The following IGSF23 variants were observed in gnomAD, a reference collection of about 807,000 sequenced individuals.
The protein encoded by IGSF23 is immunoglobulin superfamily, member 23.
In IGSF23, 14 loss-of-function variants were observed where a neutral mutation model predicts 17.8. The ratio of observed to expected loss-of-function variants is 0.79; its 90% CI spans 0.52 to 1.23. The LOEUF is 1.23. Ranked by LOEUF, IGSF23 falls within the 50% of genes most tolerant of loss-of-function variation. IGSF23 has a pLI of 0.00. For missense variants in IGSF23, 214 were observed against 241.7 expected (o/e 0.89, Z 0.76); for synonymous variants, 85 against 92.5 (o/e 0.92, Z 0.46).
intron 2 of IGSF23, among the ~76,000 whole-genome samples, chr19:44,626,447 C>G (rs965999437): frequency 6.6e-6 from 1 of 152,232 alleles, no homozygotes. Context: ...GTGACCAAGA[C>G]AGCTGCAGCC....
chr19:44,619,993 A>G (rs11882134), intron 1 of IGSF23, among the ~76,000 whole-genome samples: 109,745 of 152,092 alleles, frequency 0.72, 39,701 homozygotes, highest in East Asian at 0.8. Flanking sequence ...AGTGTCGGCC[A>G]GGCGCAGTGG....
intron 2 of IGSF23, among the ~76,000 whole-genome samples, chr19:44,624,772 A>G (rs903440766): frequency 6.6e-6 from 1 of 151,936 alleles, no homozygotes; most frequent in African/African-American, 2.4e-5. Context: ...ATCAAAATCT[A>G]AGGAGTGGGC....
chr19:44,625,063 T>C (rs1238388086), intron 2 of IGSF23, among the ~76,000 whole-genome samples: 1 of 151,734 alleles, frequency 6.6e-6, no homozygotes, highest in Admixed American at 6.6e-5. Flanking sequence ...GATGACTGTC[T>C]CAAAAAAAAA....
intron 3 of IGSF23, among the ~76,000 whole-genome samples, chr19:44,634,767 C>T (rs1379379397): frequency 6.7e-6 from 1 of 150,238 alleles, no homozygotes; most frequent in Non-Finnish European, 1.5e-5. Flanking sequence ...CGCCACTGTA[C>T]TCCAGCCTGG....
In IGSF23 at chr19:44,619,768, C is replaced by T. The variant is rs186774020; in HGVS notation, c.126-3939C>T. On this transcript the variant is annotated intron_variant, in intron 1 of 4. Transcript: ENST00000402988. The stretch of plus-strand genomic sequence containing the variant: ...TCCAAACTTCCTCTTCTTATAAGGG[C>T]ACCAGTCAGGTTGGATTAGGACCCA... 2.0e-5 allele frequency among the ~76,000 whole-genome samples: 3 copies of T among 152,278 alleles called. No individual in the cohort carries two copies. In the East Asian group the frequency reaches 5.8e-4, roughly 29 times the overall value.
chr19:44,623,724 T>A lies in IGSF23; in HGVS notation c.143T>A (p.Leu48Gln). The change falls in exon 2 of 5, where the codon CTG becomes CAG. Residue 48 changes from leucine (L) to glutamine (Q), a missense_variant. Physicochemically the swap from Leu to Gln is moderately radical, Grantham distance 113. Coordinates refer to ENST00000402988, the MANE Select transcript of IGSF23 (RefSeq NM_001205280.2). ...ACAGACAGCCTCCAACTAATGCCACTGAAGACATTCCCAGCTGCTATCCGG... is the reference window on the plus strand; with the variant it reads ...ACAGACAGCCTCCAACTAATGCCACAGAAGACATTCCCAGCTGCTATCCGG... ...PANLVLQLMP[L>Q]KTFPAAIRGV... 1 of 1,551,164 alleles carries A rather than the reference T, an allele frequency of 6.4e-7. No individual in the cohort carries two copies. The highest frequency in any genetic ancestry group is 8.7e-7 in the Non-Finnish European group (1 of 1,147,120).
At chr19:44,629,294 G>A (rs184995580) in intron 3 of IGSF23, among the ~76,000 whole-genome samples, 1 of 152,332 alleles carries the variant, frequency 6.6e-6, no homozygotes, top group East Asian at 1.9e-4. Flanking sequence ...GCCCACATCT[G>A]TAATCCTAGC....
At chr19:44,630,763 C>A (rs180994233) in intron 3 of IGSF23, among the ~76,000 whole-genome samples, 1 of 152,306 alleles carries the variant, frequency 6.6e-6, no homozygotes, top group East Asian at 1.9e-4. Flanking sequence ...GAACATTTCT[C>A]AGAAAAGAAG....
chr19:44,629,297 A>C (rs1972717211), intron 3 of IGSF23, among the ~76,000 whole-genome samples: 1 of 152,198 alleles, frequency 6.6e-6, no homozygotes, highest in South Asian at 2.1e-4. Flanking sequence ...CACATCTGTA[A>C]TCCTAGCACT....
chr19:44,633,103 T>C (rs545470459), intron 3 of IGSF23, among the ~76,000 whole-genome samples: 1 of 152,316 alleles, frequency 6.6e-6, no homozygotes, highest in South Asian at 2.1e-4. Flanking sequence ...TGTAAAACAA[T>C]GAAAATGCTT....
intron 3 of IGSF23, among the ~76,000 whole-genome samples, chr19:44,628,847 A>G (rs1972709712): frequency 1.3e-5 from 2 of 152,098 alleles, no homozygotes; most frequent in South Asian, 4.2e-4. Context: ...AAGATTGTGG[A>G]GTGGGGTGGC....
intron 3 of IGSF23, among the ~76,000 whole-genome samples, chr19:44,633,860 C>G (rs1020617861): frequency 2.0e-5 from 3 of 152,168 alleles, no homozygotes; most frequent in African/African-American, 4.8e-5. Flanking sequence ...TTCCCACATA[C>G]GGCACAATCA....
chr19:44,615,245 T>C (rs1246742617), intron 1 of IGSF23, among the ~76,000 whole-genome samples: 1 of 151,918 alleles, frequency 6.6e-6, no homozygotes, highest in Non-Finnish European at 1.5e-5. Flanking sequence ...GCCAAGATCG[T>C]GCCACTGCAC....
chr19:44,619,372 G>A (rs181347618), intron 1 of IGSF23, among the ~76,000 whole-genome samples: 10 of 152,272 alleles, frequency 6.6e-5, no homozygotes, highest in East Asian at 1.9e-4. Context: ...CATGAGATAC[G>A]CATTCATCAT....
chr19:44,633,228 A>C (rs1375265565), intron 3 of IGSF23, among the ~76,000 whole-genome samples: 1 of 152,246 alleles, frequency 6.6e-6, no homozygotes, highest in Non-Finnish European at 1.5e-5. Context: ...AGTCCTCTGA[A>C]GCCTCCAGTT....
intron 2 of IGSF23, among the ~76,000 whole-genome samples, chr19:44,626,433 T>TCTGGTGA: frequency 6.6e-6 from 1 of 152,140 alleles, no homozygotes; most frequent in East Asian, 1.9e-4. Flanking sequence ...CTGGGAACAC[T>TCTGGTGA]CTGGTGACCA....
intron 3 of IGSF23, 92 bp downstream of exon 3, chr19:44,627,665 C>T: frequency 7.3e-7 from 1 of 1,372,020 alleles, no homozygotes; most frequent in South Asian, 1.5e-5. Flanking sequence ...AGAGATGAAA[C>T]CAACACCCCC....
Position 44,627,442 on chromosome 19 carries a change from A to C in IGSF23, c.414A>C (p.Glu138Asp). 6.5e-7 allele frequency: 1 copy of C among 1,546,768 alleles called. No homozygotes were observed. The highest frequency in any genetic ancestry group is 8.7e-7 in the Non-Finnish European group (1 of 1,144,236). Reference sequence around the variant, plus strand: ...CAGAACCCATCATGCAGCCCACAGAAGCAGAGCCCATGGAGCCAGACCCCA... The same window carrying C: ...CAGAACCCATCATGCAGCCCACAGACGCAGAGCCCATGGAGCCAGACCCCA... The part of the protein sequence containing the change: ...SLPKPIMQPT[E>D]AEPMEPDPTL... The change falls in exon 3 of 5, where the codon GAA (glutamate) becomes GAC (aspartate). Residue 138 changes from glutamate to aspartate, a missense_variant. Physicochemically the swap from Glu to Asp is conservative, Grantham distance 45 (BLOSUM62 2). Coordinates refer to ENST00000402988, the MANE Select transcript of IGSF23 (RefSeq NM_001205280.2).
At chr19:44,619,758 C>T (rs1460032402) in intron 1 of IGSF23, among the ~76,000 whole-genome samples, 1 of 152,146 alleles carries the variant, frequency 6.6e-6, no homozygotes, top group Non-Finnish European at 1.5e-5. Context: ...ACTTCCTCTT[C>T]TTATAAGGGC....
Sources: allele counts gnomAD v4.1 joint callset (sites outside exome capture counted in the v4.1 genomes callset), GRCh38; gene constraint gnomAD v4.1.1; transcripts MANE v1.5; gene names NCBI Gene and HGNC (gene_info 2026-07-23, HGNC 2026-07-21).